Variants in SLC25A13 observed in about 807,000 individuals in gnomAD.
The protein encoded by SLC25A13 is electrogenic aspartate/glutamate antiporter SLC25A13, mitochondrial.
A neutral mutation model predicts 85.5 loss-of-function variants in SLC25A13; 70 were observed. The observed-to-expected ratio is 0.82, with a 90% CI of 0.68 to 1.00. The LOEUF is 1.00. SLC25A13 is among the 50% of genes least tolerant of loss of function. SLC25A13 has a pLI of 0.00. For missense variants in SLC25A13, 765 were observed against 819.8 expected (o/e 0.93, Z 0.82); for synonymous variants, 259 against 288.7 (o/e 0.90, Z 1.04).
intron 1 of SLC25A13, among the ~76,000 whole-genome samples, chr7:96,320,912 T>G (rs944950755): frequency 6.6e-6 from 1 of 152,242 alleles, no homozygotes; most frequent in African/African-American, 2.4e-5. Flanking sequence ...TCTTGAGGGT[T>G]ATCACAGAGT....
intron 11 of SLC25A13, among the ~76,000 whole-genome samples, chr7:96,172,849 C>G (rs898565893): frequency 1.3e-5 from 2 of 152,118 alleles, no homozygotes; most frequent in South Asian, 4.1e-4. Context: ...AGCTCCGCCT[C>G]TTGGGTTCAT....
At chr7:96,168,134 G>A (rs1400332960) in intron 13 of SLC25A13, among the ~76,000 whole-genome samples, 3 of 82,358 alleles carry the variant, frequency 3.6e-5, no homozygotes, top group South Asian at 5.4e-4. Flanking sequence ...AAAAAAGCAC[G>A]TGTGCACACA....
At chr7:96,158,849 A>G (rs1190722312) in intron 13 of SLC25A13, among the ~76,000 whole-genome samples, 3 of 152,248 alleles carry the variant, frequency 2.0e-5, no homozygotes, top group Non-Finnish European at 2.9e-5. Context: ...GAAAATAAAG[A>G]CTTGTAAAGG....
At chr7:96,302,370 T>C (rs1584595577) in intron 1 of SLC25A13, among the ~76,000 whole-genome samples, 1 of 152,172 alleles carries the variant, frequency 6.6e-6, no homozygotes. Context: ...TTAAACAGAC[T>C]TTCTTACAAG....
rs537214389 is a variant in SLC25A13 at position 96,212,719 on chromosome 7, T to C, written c.329-3742A>G. ...ATCCTGCTCCAGGTAGCCACAGACATTGGCATCACCTGCCAGCAGCAAACA... is the reference window on the plus strand; with the variant it reads ...ATCCTGCTCCAGGTAGCCACAGACACTGGCATCACCTGCCAGCAGCAAACA... On this transcript the variant is annotated intron_variant, in intron 4 of 17. Transcript: ENST00000265631. Among the ~76,000 whole-genome samples, 437 of 152,264 alleles carry C rather than the reference T, an allele frequency of 2.9e-3. 1 individual carries two copies. Among genetic ancestry groups the C allele is most frequent in the Non-Finnish European group, 4.7e-3 (323 of 68,022 alleles).
intron 3 of SLC25A13, among the ~76,000 whole-genome samples, chr7:96,239,402 A>C (rs1796878476): frequency 1.3e-5 from 2 of 151,468 alleles, no homozygotes; most frequent in Non-Finnish European, 2.9e-5. Context: ...ATATATAGAC[A>C]AACAGTGCTT....
intron 15 of SLC25A13, among the ~76,000 whole-genome samples, chr7:96,128,150 T>C (rs1003048434): frequency 3.9e-5 from 6 of 152,266 alleles, no homozygotes; most frequent in Non-Finnish European, 8.8e-5. Flanking sequence ...AGATTTTTTA[T>C]GTTTATTTTA....
At position 96,201,172 on chromosome 7, in the gene SLC25A13, A is replaced by G. The variant is rs1018058505; in HGVS notation, c.468+7666T>C. Among the ~76,000 whole-genome samples the G allele has an allele frequency of 5.3e-5, 8 of 152,298 alleles. 1 individual carries two copies. In the South Asian group the frequency reaches 1.7e-3, roughly 32 times the overall value. ...CTTAGAATCAACATAAAAGGCATTC[A>G]CATAGTGAAAATGAAAATACAACTG... On this transcript the variant is annotated intron_variant, in intron 5 of 17. Transcript: ENST00000265631.
At chr7:96,220,838 C>T (rs78495177) in intron 4 of SLC25A13, among the ~76,000 whole-genome samples, 4,639 of 152,170 alleles carry the variant, frequency 0.03, 181 homozygotes, top group African/African-American at 0.087. Context: ...CAGCAGCCCC[C>T]AGTCCAGTCT....
At chr7:96,314,427 C>T (rs1800058605) in intron 1 of SLC25A13, among the ~76,000 whole-genome samples, 1 of 152,066 alleles carries the variant, frequency 6.6e-6, no homozygotes, top group African/African-American at 2.4e-5. Flanking sequence ...AGAGTTTGCT[C>T]AGTAGCTGTT....
intron 7 of SLC25A13, 107 bp downstream of exon 7, chr7:96,191,002 A>C: frequency 7.9e-7 from 1 of 1,270,216 alleles, no homozygotes; most frequent in South Asian, 1.2e-5. Context: ...TATAGTTAAT[A>C]TGTGTCAATG....
chr7:96,140,045 G>A (rs1291525492), intron 14 of SLC25A13, among the ~76,000 whole-genome samples: 1 of 130,110 alleles, frequency 7.7e-6, no homozygotes, highest in Non-Finnish European at 1.6e-5. Flanking sequence ...TGCAAGCTCC[G>A]CCTCCCGGGT....
chr7:96,289,299 G>T lies in SLC25A13; in HGVS notation c.69+7599C>A, dbSNP rs185460345. 5.0e-3 allele frequency among the ~76,000 whole-genome samples: 765 copies of T among 152,262 alleles called. 8 individuals are homozygous for T. The highest frequency in any genetic ancestry group is 0.018 in the African/African-American group (739 of 41,538). On this transcript the variant is annotated intron_variant, in intron 2 of 17. Transcript: ENST00000265631. ...GACCAAAGGTAGATAAAACCACAAA[G>T]ATGGGGGAAAAAACAGAGCAGAAAA... is the stretch of plus-strand genomic sequence containing the variant.
chr7:96,310,751 G>C (rs1309482027), intron 1 of SLC25A13, among the ~76,000 whole-genome samples: 1 of 152,160 alleles, frequency 6.6e-6, no homozygotes, highest in Non-Finnish European at 1.5e-5. Context: ...AACTTTATCA[G>C]TCTATTCTCC....
intron 3 of SLC25A13, among the ~76,000 whole-genome samples, chr7:96,235,391 A>C (rs1175826570): frequency 6.6e-6 from 1 of 152,190 alleles, no homozygotes; most frequent in Admixed American, 6.5e-5. Context: ...GGGCTAGTAC[A>C]AGGGGAATAC....
At position 96,120,785 on chromosome 7, in the gene SLC25A13, A is replaced by C. The variant is rs1372583812; in HGVS notation, c.*406T>G. 2.2e-6 allele frequency: 1 copy of C among 457,578 alleles called. No individual in the cohort carries two copies. Among genetic ancestry groups the C allele is most frequent in the Non-Finnish European group, 4.4e-6 (1 of 229,048 alleles). 28.3% of individuals were successfully genotyped at this position (457,578 alleles called of 1,614,324 possible). Reference sequence around the variant, plus strand: ...TTTTTATTTTTATAAATATGCACCTAGTTTCCTACCAGTTTAAAACACACA... The same window carrying C: ...TTTTTATTTTTATAAATATGCACCTCGTTTCCTACCAGTTTAAAACACACA... On this transcript the variant is annotated 3_prime_UTR_variant, in exon 18 of 18. Coordinates refer to ENST00000265631, the MANE Select transcript of SLC25A13 (RefSeq NM_014251.3).
At chr7:96,206,762 T>C (rs1304175668) in intron 5 of SLC25A13, among the ~76,000 whole-genome samples, 1 of 152,188 alleles carries the variant, frequency 6.6e-6, no homozygotes, top group African/African-American at 2.4e-5. Flanking sequence ...TTTGGAAACA[T>C]AACCATAGTC....
intron 5 of SLC25A13, among the ~76,000 whole-genome samples, chr7:96,205,591 G>A (rs1005831522): frequency 1.3e-5 from 2 of 152,102 alleles, no homozygotes; most frequent in African/African-American, 4.8e-5. Context: ...CAGGAAGGAG[G>A]CTTTGTATCC....
intron 14 of SLC25A13, among the ~76,000 whole-genome samples, chr7:96,144,755 A>C (rs1562791984): frequency 6.6e-6 from 1 of 152,186 alleles, no homozygotes; most frequent in African/African-American, 2.4e-5. Context: ...TAAGATTATT[A>C]AATAATGTGA....
Sources: gnomAD v4.1 joint callset for allele counts (sites outside exome capture counted in the v4.1 genomes callset) on GRCh38, gnomAD v4.1.1 for gene constraint, MANE v1.5 for transcripts, NCBI Gene and HGNC (gene_info 2026-07-23, HGNC 2026-07-21) for gene names.